Variants in ST18 observed in about 807,000 individuals in gnomAD.
The protein encoded by ST18 is ST18 C2H2C-type zinc finger transcription factor.
Under a neutral mutation model 110.0 loss-of-function variants are expected in ST18, and 50 were observed. The observed-to-expected ratio is 0.45, with a 90% CI of 0.36 to 0.58. ST18 has a LOEUF of 0.58. Among genes scored for constraint, ST18 ranks in the 20% least tolerant of loss-of-function variants. The pLI, the probability that ST18 is intolerant of heterozygous loss-of-function variation, is 0.00. For synonymous variants in ST18, 461 were observed against 452.4 expected, an observed-to-expected ratio of 1.02 and a Z score of -0.24; for missense variants, 1,306 against 1,280.1, an observed-to-expected ratio of 1.02 and a Z score of -0.31.
At chr8:52,347,089 A>C (rs1818125045) in intron 2 of ST18, among the ~76,000 whole-genome samples, 2 of 152,262 alleles carry the variant, frequency 1.3e-5, no homozygotes, top group African/African-American at 4.8e-5. Context: ...AGCATTGGGC[A>C]CAGGAAGGTA....
At chr8:52,297,196 C>T (rs144952254) in intron 2 of ST18, among the ~76,000 whole-genome samples, 280 of 152,224 alleles carry the variant, frequency 1.8e-3, no homozygotes, top group African/African-American at 6.1e-3. Flanking sequence ...GGGTGCAGTC[C>T]GCACACAGGC....
At chr8:52,157,012 C>T (rs183735028) in intron 15 of ST18, among the ~76,000 whole-genome samples, 57 of 152,298 alleles carry the variant, frequency 3.7e-4, no homozygotes, top group African/African-American at 8.7e-4. Flanking sequence ...AGGCGTGCGG[C>T]GAGCTCCTGT....
intron 2 of ST18, among the ~76,000 whole-genome samples, chr8:52,258,116 A>G (rs1325785685): frequency 6.6e-6 from 1 of 152,176 alleles, no homozygotes; most frequent in East Asian, 1.9e-4. Context: ...TAGACTCTCA[A>G]TTCTATTTCA....
intron 8 of ST18, among the ~76,000 whole-genome samples, chr8:52,208,554 C>T (rs548215728): frequency 1.5e-4 from 23 of 152,348 alleles, no homozygotes; most frequent in African/African-American, 4.6e-4. Context: ...GGGCTGGGCG[C>T]GGTGGCTCAC....
intron 15 of ST18, 135 bp downstream of exon 15, chr8:52,158,763 C>T (rs2060639551): frequency 2.0e-6 from 2 of 1,020,602 alleles, no homozygotes; most frequent in South Asian, 3.0e-5. Flanking sequence ...CTCTGAGCCT[C>T]TTCCTGAGAC....
chr8:52,382,945 A>C (rs1309296355), intron 2 of ST18, among the ~76,000 whole-genome samples: 3 of 152,130 alleles, frequency 2.0e-5, no homozygotes, highest in Non-Finnish European at 4.4e-5. Flanking sequence ...CAAATGTGCC[A>C]CGAGGATTGT....
At chr8:52,341,074 G>T (rs992685565) in intron 2 of ST18, among the ~76,000 whole-genome samples, 1 of 152,078 alleles carries the variant, frequency 6.6e-6, no homozygotes, top group East Asian at 1.9e-4. Flanking sequence ...TCTTCTAACT[G>T]CAACCCCCCT....
chr8:52,323,348 T>G (rs116966812), intron 2 of ST18, among the ~76,000 whole-genome samples: 3,459 of 152,338 alleles, frequency 0.023, 66 homozygotes, highest in Non-Finnish European at 0.037. Flanking sequence ...ACAGCCACCA[T>G]ATAGGGACTT....
At chr8:52,273,111 G>T (rs1416943399) in intron 2 of ST18, among the ~76,000 whole-genome samples, 3 of 152,098 alleles carry the variant, frequency 2.0e-5, no homozygotes, top group African/African-American at 7.2e-5. Flanking sequence ...AAAAAGATTG[G>T]AAAGGTTCTG....
At chr8:52,238,470 C>T (rs949000437) in intron 2 of ST18, among the ~76,000 whole-genome samples, 1 of 152,156 alleles carries the variant, frequency 6.6e-6, no homozygotes, top group East Asian at 1.9e-4. Context: ...ACCATTCAAT[C>T]CAGGAATACC....
intron 17 of ST18, among the ~76,000 whole-genome samples, chr8:52,140,403 G>A (rs1372736441): frequency 1.3e-5 from 2 of 152,108 alleles, no homozygotes; most frequent in Non-Finnish European, 2.9e-5. Context: ...GGTGGTGGGC[G>A]CCTGTAATCC....
chr8:52,343,830 C>A (rs753494501), intron 2 of ST18, among the ~76,000 whole-genome samples: 4 of 152,100 alleles, frequency 2.6e-5, no homozygotes, highest in Admixed American at 6.6e-5. Flanking sequence ...ATTTTAAGTA[C>A]TTATTTATAT....
chr8:52,400,266 C>G (rs932416060), intron 2 of ST18, among the ~76,000 whole-genome samples: 14 of 152,014 alleles, frequency 9.2e-5, no homozygotes, highest in African/African-American at 3.4e-4. Context: ...TATCTTTTTT[C>G]ACTCCCTTCA....
At chr8:52,308,945 T>G (rs573697805) in intron 2 of ST18, among the ~76,000 whole-genome samples, 2 of 152,364 alleles carry the variant, frequency 1.3e-5, no homozygotes, top group South Asian at 4.1e-4. Context: ...GATGGGCATA[T>G]TCTCTTTCTA....
At chr8:52,206,520 T>G (rs192414606) in intron 8 of ST18, 1 of 152,390 alleles carries the variant, frequency 6.6e-6, no homozygotes, top group East Asian at 1.9e-4. Flanking sequence ...TCCAGCCTCA[T>G]GTTCCACACG....
At position 52,130,537 on chromosome 8, in the gene ST18, G is replaced by A. The variant is rs115459503; in HGVS notation, c.2666+1421C>T. On this transcript the variant is annotated intron_variant, in intron 22 of 25. Coordinates refer to ENST00000689386, the MANE Select transcript of ST18 (RefSeq NM_001352837.2). Reference sequence around the variant, plus strand: ...GTTAGTAGAGCAACACTGCTCAGATGTGGTCAGACAGATCTCCGGGTTCTC... The same window carrying A: ...GTTAGTAGAGCAACACTGCTCAGATATGGTCAGACAGATCTCCGGGTTCTC... Among the ~76,000 whole-genome samples, 365 of 152,338 alleles carry A rather than the reference G, an allele frequency of 2.4e-3. 1 individual carries two copies. The highest frequency in any genetic ancestry group is 8.3e-3 in the African/African-American group (343 of 41,558).
At chr8:52,381,901 A>T (rs1834648919) in intron 2 of ST18, among the ~76,000 whole-genome samples, 5 of 151,952 alleles carry the variant, frequency 3.3e-5, no homozygotes, top group African/African-American at 1.2e-4. Flanking sequence ...TTGTGAACAA[A>T]TTCATGAAAT....
chr8:52,210,503 T>C (rs1056954809), intron 8 of ST18, among the ~76,000 whole-genome samples: 3 of 151,322 alleles, frequency 2.0e-5, no homozygotes, highest in Non-Finnish European at 2.9e-5. Context: ...ACTAAAAATA[T>C]AAAAATTAGC....
chr8:52,346,087 A>T (rs1817608258), intron 2 of ST18, among the ~76,000 whole-genome samples: 1 of 151,704 alleles, frequency 6.6e-6, no homozygotes, highest in South Asian at 2.1e-4. Flanking sequence ...AAAACTAAAA[A>T]CCCCAAATAA....
Sources: gnomAD v4.1 joint callset for allele counts (sites outside exome capture counted in the v4.1 genomes callset) on GRCh38, gnomAD v4.1.1 for gene constraint, MANE v1.5 for transcripts, NCBI Gene and HGNC (gene_info 2026-07-23, HGNC 2026-07-21) for gene names.